The following ASTN1 variants were observed in gnomAD, a reference collection of about 807,000 sequenced individuals.
ASTN1 encodes astrotactin 1, also known as astrotactin-1.
In ASTN1, 41 loss-of-function variants were observed where a neutral mutation model predicts 140.7. The ratio of observed to expected loss-of-function variants is 0.29; its 90% CI spans 0.23 to 0.38. ASTN1 has a LOEUF of 0.38. Among genes scored for constraint, ASTN1 ranks in the 10% least tolerant of loss-of-function variants. ASTN1 has a pLI of 1.00. For missense variants in ASTN1, 1,479 were observed against 1,678.8 expected, an observed-to-expected ratio of 0.88 and a Z score of 2.08; for synonymous variants, 640 against 652.2, an observed-to-expected ratio of 0.98 and a Z score of 0.29.
intron 1 of ASTN1, among the ~76,000 whole-genome samples, chr1:177,065,184 G>A (rs1268749918): frequency 6.6e-6 from 1 of 152,146 alleles, no homozygotes; most frequent in Non-Finnish European, 1.5e-5. Flanking sequence ...GTCATCTCAA[G>A]ATACCACAGG....
chr1:177,022,282 G>C (rs1334931955), intron 7 of ASTN1, among the ~76,000 whole-genome samples: 7 of 152,132 alleles, frequency 4.6e-5, no homozygotes, highest in Non-Finnish European at 1.0e-4. Context: ...TGCACATGCT[G>C]TACAAAAAGC....
intron 11 of ASTN1, among the ~76,000 whole-genome samples, chr1:176,950,963 T>A (rs1390808594): frequency 6.6e-6 from 1 of 152,174 alleles, no homozygotes; most frequent in African/African-American, 2.4e-5. Flanking sequence ...CTGCTGCAGG[T>A]GTGCCTCTGA....
rs200371722 is a variant in ASTN1 at position 176,969,807 on chromosome 1, T to TTTTG, written c.1524-4574_1524-4571dup. Among the ~76,000 whole-genome samples, 1,154 of 152,178 alleles carry TTTTG rather than the reference T, an allele frequency of 7.6e-3. 18 individuals are homozygous for TTTTG. The highest frequency in any genetic ancestry group is 0.023 in the African/African-American group (951 of 41,504). ...CATCTTTTTAGTCAGAATAGAGCAT[T>TTTTG]TTTGTTTGTTTGTTTGTTTGTTTAG... On this transcript the variant is annotated intron_variant, in intron 8 of 22. Coordinates refer to ENST00000361833, the MANE Select transcript of ASTN1 (RefSeq NM_004319.3).
chr1:176,979,838 G>A (rs943557501), intron 8 of ASTN1, among the ~76,000 whole-genome samples: 2 of 152,176 alleles, frequency 1.3e-5, no homozygotes, highest in Non-Finnish European at 2.9e-5. Context: ...GAGAGTTTGT[G>A]TGTGTAAGAA....
intron 7 of ASTN1, 30 bp from the exon 8 acceptor site, chr1:177,014,905 G>A: frequency 6.4e-7 from 1 of 1,565,264 alleles, no homozygotes; most frequent in Non-Finnish European, 8.8e-7. Context: ...GGAAGAAAGA[G>A]AAACATGAAG....
intron 1 of ASTN1, among the ~76,000 whole-genome samples, chr1:177,163,927 T>C (rs1486470277): frequency 6.6e-6 from 1 of 151,912 alleles, no homozygotes; most frequent in African/African-American, 2.4e-5. Context: ...GCTGGCAAGG[T>C]GATGACAGGA....
intron 14 of ASTN1, among the ~76,000 whole-genome samples, chr1:176,940,317 A>C (rs1427862101): frequency 6.6e-6 from 1 of 152,196 alleles, no homozygotes; most frequent in Non-Finnish European, 1.5e-5. Context: ...TCAGACCACT[A>C]TCCATAACAA....
At chr1:177,062,510 G>A (rs1678150500) in intron 1 of ASTN1, among the ~76,000 whole-genome samples, 1 of 145,208 alleles carries the variant, frequency 6.9e-6, no homozygotes, top group Admixed American at 6.9e-5. Flanking sequence ...CTCCCAAAAT[G>A]TTGGGATTAG....
chr1:177,033,401 C>G (rs1048555537), intron 2 of ASTN1, among the ~76,000 whole-genome samples: 1 of 152,104 alleles, frequency 6.6e-6, no homozygotes, highest in Non-Finnish European at 1.5e-5. Context: ...ACTTAACCAC[C>G]CAGGGTGGTT....
chr1:177,008,035 C>T (rs914841373), intron 8 of ASTN1, among the ~76,000 whole-genome samples: 7 of 152,156 alleles, frequency 4.6e-5, no homozygotes, highest in Admixed American at 3.3e-4. Flanking sequence ...TACATGTTTT[C>T]GCTTGAGAAA....
chr1:177,021,729 G>A (rs1222104839), intron 7 of ASTN1, among the ~76,000 whole-genome samples: 4 of 152,148 alleles, frequency 2.6e-5, no homozygotes, highest in Admixed American at 6.5e-5. Context: ...TAAAATCCAA[G>A]TAGGAGCATC....
At chr1:176,991,539 A>C (rs1430440875) in intron 8 of ASTN1, among the ~76,000 whole-genome samples, 2 of 149,362 alleles carry the variant, frequency 1.3e-5, no homozygotes, top group African/African-American at 4.9e-5. Context: ...ATTAAAACGG[A>C]GATGAAGTGA....
rs998911704 is a variant in ASTN1 at position 176,864,206 on chromosome 1, A to G, written c.*78T>C. ...TTTTCATGTTCCATTAAAAAATATT[A>G]AAAATCCACAGACCAACCCAGATGG... On this transcript the variant is annotated 3_prime_UTR_variant, in exon 23 of 23. Coordinates refer to ENST00000361833, the MANE Select transcript of ASTN1 (RefSeq NM_004319.3). 3 of 1,528,628 alleles carry G rather than the reference A, an allele frequency of 2.0e-6. No individual in the cohort carries two copies. Among genetic ancestry groups the G allele is most frequent in the Non-Finnish European group, 2.6e-6 (3 of 1,144,452 alleles). 94.7% of individuals were successfully genotyped at this position (1,528,628 alleles called of 1,614,324 possible).
Position 176,945,906 on chromosome 1 carries a change from T to G in ASTN1, c.2249+20A>C. The G allele has an allele frequency of 1.9e-6, 3 of 1,588,970 alleles. No homozygotes were observed. The South Asian group carries it at 3.5e-5, about 18-fold the overall frequency. ...CCACCAACAGTCTTGAACAATCAGT[T>G]CTATGTATATGAGGTTTACCTGAAT... On this transcript the variant is annotated intron_variant, in intron 13 of 22. Transcript: ENST00000361833.
At chr1:176,969,449 C>T (rs746008696) in intron 8 of ASTN1, among the ~76,000 whole-genome samples, 33 of 152,164 alleles carry the variant, frequency 2.2e-4, no homozygotes, top group Non-Finnish European at 1.0e-4. Context: ...ACCAATCTCT[C>T]GGCCGGGTAA....
intron 16 of ASTN1, among the ~76,000 whole-genome samples, chr1:176,930,869 G>A (rs991376690): frequency 3.3e-5 from 5 of 152,292 alleles, no homozygotes; most frequent in Non-Finnish European, 2.9e-5. Flanking sequence ...AAAGAGGGGC[G>A]TGTGTTTATA....
At chr1:177,041,852 G>T (rs529378500) in intron 2 of ASTN1, among the ~76,000 whole-genome samples, 1 of 152,172 alleles carries the variant, frequency 6.6e-6, no homozygotes, top group Non-Finnish European at 1.5e-5. Context: ...GGGGAAAAGA[G>T]GTTCTCAGAG....
chr1:177,062,326 A>G (rs186826346), intron 1 of ASTN1, among the ~76,000 whole-genome samples: 2 of 151,522 alleles, frequency 1.3e-5, no homozygotes, highest in Non-Finnish European at 2.9e-5. Context: ...TTGTGGCCTC[A>G]ACCTCCTGGG....
intron 8 of ASTN1, chr1:176,976,107 T>G (rs994247748): frequency 3.9e-5 from 6 of 152,214 alleles, no homozygotes; most frequent in Non-Finnish European, 5.9e-5. Flanking sequence ...TCATTACAAT[T>G]ATATGAGATG....
Sources: gnomAD v4.1 joint callset for allele counts (sites outside exome capture counted in the v4.1 genomes callset) on GRCh38, gnomAD v4.1.1 for gene constraint, MANE v1.5 for transcripts, NCBI Gene and HGNC (gene_info 2026-07-23, HGNC 2026-07-21) for gene names.